MYL6: variants seen among roughly 807,000 people sequenced by gnomAD.
The protein encoded by MYL6 is myosin light chain 6.
In MYL6, 20 loss-of-function variants were observed where a neutral mutation model predicts 20.3. The observed-to-expected ratio is 0.98, with a 90% confidence interval of 0.69 to 1.43. The LOEUF (loss-of-function observed/expected upper bound fraction) is 1.43. MYL6 is among the 40% of genes most tolerant of loss of function. The pLI, the probability that MYL6 is intolerant of heterozygous loss-of-function variation, is 0.00. For synonymous variants in MYL6, 77 were observed against 72.4 expected, an observed-to-expected ratio of 1.06 and a Z score of -0.32; for missense variants, 164 against 191.0, an observed-to-expected ratio of 0.86 and a Z score of 0.83.
At position 56,159,796 on chromosome 12, in the gene MYL6, C is replaced by T. The variant is rs548445485; in HGVS notation, c.175+66C>T. ...CCCACAGTTCTTCAGCTAAGAGCTTCCCTTTATCTTCATAGGCCCCAAACT... is the reference window on the plus strand; with the variant it reads ...CCCACAGTTCTTCAGCTAAGAGCTTTCCTTTATCTTCATAGGCCCCAAACT... On this transcript the variant is annotated intron_variant, in intron 3 of 6. Transcript: ENST00000550697. The T allele has an allele frequency of 9.0e-6, 14 of 1,562,588 alleles. No homozygotes were observed. In the African/African-American group the frequency reaches 1.4e-4, roughly 15 times the overall value.
At chr12:56,160,786 G>T (rs1373508500) in intron 6 of MYL6, 116 bp downstream of exon 6, 4 of 1,184,730 alleles carry the variant, frequency 3.4e-6, no homozygotes, top group Non-Finnish European at 4.9e-6. Context: ...CTCCTGGCAT[G>T]TTTCTGCATG....
intron 2 of MYL6, 29 bp downstream of exon 2, chr12:56,158,740 C>T: frequency 6.2e-7 from 1 of 1,613,394 alleles, no homozygotes; most frequent in South Asian, 1.1e-5. Flanking sequence ...CTACCGAGGT[C>T]ACCCTTAGGG....
chr12:56,158,813 C>T (rs1871505069), intron 2 of MYL6, 102 bp downstream of exon 2: 1 of 1,563,320 alleles, frequency 6.4e-7, no homozygotes, highest in Admixed American at 1.9e-5. Flanking sequence ...TTTAGCACCC[C>T]CATGAGATTA....
chr12:56,159,379 C>T, intron 2 of MYL6: 1 of 589,290 alleles, frequency 1.7e-6, no homozygotes, highest in Non-Finnish European at 2.8e-6. Context: ...TGGATGTTAC[C>T]AGGCTGCCAG....
At position 56,158,441 on chromosome 12, in the gene MYL6, G is replaced by C. The variant is rs767909099; in HGVS notation, c.3+37G>C. The stretch of plus-strand genomic sequence containing the variant: ...GTCTTGGGAGACGGGCAGGATTGGG[G>C]ACGAGAGGCAGGAAGAGACGGGTGG... On this transcript the variant is annotated intron_variant, in intron 1 of 6. Coordinates refer to ENST00000550697, the MANE Select transcript of MYL6 (RefSeq NM_021019.5). 8 of 1,548,416 alleles carry C rather than the reference G, an allele frequency of 5.2e-6. No homozygotes were observed. The East Asian group carries it at 1.6e-4, about 30-fold the overall frequency.
Position 56,158,362 on chromosome 12 carries a change from A to G in MYL6, c.-40A>G, listed in dbSNP as rs761585501. ...TAGGGTTGGGCCGAGAGTCGGAGCC[A>G]TTACTGCAGGAAAAGGTCCCGGAGA... On this transcript the variant is annotated 5_prime_UTR_variant, in exon 1 of 7. Coordinates refer to ENST00000550697, the MANE Select transcript of MYL6 (RefSeq NM_021019.5). 1.1e-5 allele frequency: 17 copies of G among 1,516,210 alleles called. No individual in the cohort carries two copies. The highest frequency in any genetic ancestry group is 1.5e-5 in the Non-Finnish European group (17 of 1,135,040). 93.9% of individuals were successfully genotyped at this position (1,516,210 alleles called of 1,614,324 possible). A position where few individuals can be genotyped will look rare whatever the true frequency, so the allele number is the denominator to read the frequency against.
At chr12:56,159,514 T>C (rs1871574831) in intron 2 of MYL6, 73 bp from the exon 3 acceptor site, 1 of 1,559,568 alleles carries the variant, frequency 6.4e-7, no homozygotes, top group Non-Finnish European at 8.7e-7. Context: ...CAAAGTTGAA[T>C]GGGCAGCAGA....
chr12:56,160,854 A>C, intron 6 of MYL6, 184 bp downstream of exon 6: 1 of 643,292 alleles, frequency 1.6e-6, no homozygotes. Context: ...GGGGTACAGT[A>C]CCTCCTTACC....
rs370789770 is a variant in MYL6 at position 56,159,594 on chromosome 12, G to C, written c.39G>C (p.Lys13Asn). The C allele has an allele frequency of 1.9e-6, 3 of 1,613,222 alleles. No homozygotes were observed. Among genetic ancestry groups the C allele is most frequent in the Non-Finnish European group, 2.5e-6 (3 of 1,179,804 alleles). Residue 13 changes from lysine to asparagine, a missense_variant, in exon 3 of 7, where the codon AAG becomes AAC. Physicochemically the swap from Lys to Asn is moderately conservative, Grantham distance 94. Coordinates refer to ENST00000550697, the MANE Select transcript of MYL6 (RefSeq NM_021019.5). Reference protein sequence around the residue: ...DFTEDQTAEFKEAFQLFDRTG... With the variant: ...DFTEDQTAEFNEAFQLFDRTG... ...ATTCATCTGAATCCTCAGAGTTCAA[G>C]GAGGCCTTCCAGCTGTTTGACCGAA... is the stretch of plus-strand genomic sequence containing the variant.
rs61938990 is a variant in MYL6 at position 56,160,631 on chromosome 12, G to C, written c.433G>C (p.Val145Leu). The C allele has an allele frequency of 0.011, 17,741 of 1,614,184 alleles. 120 individuals carry two copies. The highest frequency in any genetic ancestry group is 0.013 in the Non-Finnish European group (15,479 of 1,179,996). The change falls in exon 6 of 7, where the codon GTG becomes CTG. Residue 145 changes from valine (V) to leucine (L), a missense_variant. By Grantham distance (32) the Val-to-Leu change is conservative. Transcript: ENST00000550697. Reference sequence around the variant, plus strand: ...ATGTCTCTTCCTTCCTGCAGCGTTTGTGAGGCATATCCTGTCGGGGTGACG... The same window carrying C: ...ATGTCTCTTCCTTCCTGCAGCGTTTCTGAGGCATATCCTGTCGGGGTGACG... ...SNGCINYEAF[V>L]RHILSG
In MYL6 at chr12:56,160,103, G is replaced by A; in HGVS notation, c.304G>A (p.Gly102Ser). The A allele has an allele frequency of 6.2e-7, 1 of 1,614,186 alleles. No homozygotes were observed. Among genetic ancestry groups the A allele is most frequent in the South Asian group, 1.1e-5 (1 of 91,082 alleles). ...GLRVFDKEGNGTVMGAEIRHV... is the reference protein window; with the variant it reads ...GLRVFDKEGNSTVMGAEIRHV... ...TCGGGTGTTTGACAAGGAAGGAAATGGCACCGTCATGGGTGCTGAAATCCG... is the reference window on the plus strand; with the variant it reads ...TCGGGTGTTTGACAAGGAAGGAAATAGCACCGTCATGGGTGCTGAAATCCG... Residue 102 changes from glycine (G) to serine (S), a missense_variant, in exon 4 of 7, where the codon GGC becomes AGC. Physicochemically the swap from Gly to Ser is moderately conservative, Grantham distance 56. Coordinates refer to ENST00000550697, the MANE Select transcript of MYL6 (RefSeq NM_021019.5).
In MYL6 at chr12:56,160,673, A is replaced by T. The variant is rs1472730394; in HGVS notation, c.*16+3A>T. On this transcript the variant is annotated splice_donor_region_variant and intron_variant, in intron 6 of 6. Transcript: ENST00000550697. ...GGGGTGACGGGCCCATGGGGCGGGT[A>T]CGGCTCCTCCCAGCCTCTCCTCTAG... 1 of 1,614,034 alleles carries T rather than the reference A, an allele frequency of 6.2e-7. No individual in the cohort carries two copies. Among genetic ancestry groups the T allele is most frequent in the Non-Finnish European group, 8.5e-7 (1 of 1,179,952 alleles).
At position 56,160,159 on chromosome 12, in the gene MYL6, G is replaced by A. The variant is rs1413339227; in HGVS notation, c.349+11G>A. The stretch of plus-strand genomic sequence containing the variant: ...TTCTTGTCACACTGGGTAAGGTTCT[G>A]TGTCCTTGTCCTTGAGCTGAGATGG... On this transcript the variant is annotated intron_variant, in intron 4 of 6. Transcript: ENST00000550697. 1.2e-6 allele frequency: 2 copies of A among 1,613,918 alleles called. No homozygotes were observed. Among genetic ancestry groups the A allele is most frequent in the Non-Finnish European group, 1.7e-6 (2 of 1,179,844 alleles).
chr12:56,159,057 TTGTGA>T, intron 2 of MYL6: 1 of 684,608 alleles, frequency 1.5e-6, no homozygotes, highest in Non-Finnish European at 2.1e-6. Flanking sequence ...TTTTCTCCTC[TTGTGA>T]TAACTGTCCC....
chr12:56,159,772 CCA>C, intron 3 of MYL6, 42 bp downstream of exon 3: 2 of 1,591,772 alleles, frequency 1.3e-6, no homozygotes, highest in Non-Finnish European at 1.7e-6. Context: ...GGTCATGGGC[CCA>C]CAGTTCTTCA....
At chr12:56,161,273 T>C (rs1422347752) in intron 6 of MYL6, 114 bp from the exon 7 acceptor site, 10 of 1,306,084 alleles carry the variant, frequency 7.7e-6, no homozygotes, top group East Asian at 2.3e-5. Flanking sequence ...CCAGGGTTGG[T>C]TGCTGTGGGC....
At chr12:56,159,410 T>C (rs560153958) in intron 2 of MYL6, 177 bp from the exon 3 acceptor site, 20 of 825,040 alleles carry the variant, frequency 2.4e-5, no homozygotes, top group South Asian at 1.8e-4. Context: ...AGCCTCTATA[T>C]AGAACACTTG....
chr12:56,159,114 CCTGATATT>C (rs1332903092), intron 2 of MYL6: 1 of 370,354 alleles, frequency 2.7e-6, no homozygotes, highest in Non-Finnish European at 4.8e-6. Flanking sequence ...AGAGCAGTGA[CCTGATATT>C]CTGTGCAGAT....
chr12:56,161,104 G>A (rs980094717), intron 6 of MYL6: 56 of 586,260 alleles, frequency 9.6e-5, no homozygotes, highest in Admixed American at 5.4e-4. Context: ...CTCTCCTCCC[G>A]CCAGTGGCTG....
Sources: allele counts gnomAD v4.1 joint callset, GRCh38; gene constraint gnomAD v4.1.1; transcripts MANE v1.5; gene names NCBI Gene and HGNC (gene_info 2026-07-23, HGNC 2026-07-21).